Variants in SOD3 observed in about 807,000 individuals in gnomAD.
SOD3 encodes the protein extracellular superoxide dismutase [Cu-Zn].
SOD3 carries 3 observed loss-of-function variants against 2.6 expected under a neutral mutation model. The ratio of observed to expected loss-of-function variants is 1.13; its 90% CI spans 0.52 to 2.93. The LOEUF (loss-of-function observed/expected upper bound fraction) is 2.93, where lower values mean the gene tolerates loss of function less well. Among genes scored for constraint, SOD3 ranks in the 30% most tolerant of loss-of-function variants. SOD3 has a pLI of 0.04. For synonymous variants in SOD3, 188 were observed against 177.5 expected, an observed-to-expected ratio of 1.06 and a Z score of -0.47; for missense variants, 379 against 370.4, an observed-to-expected ratio of 1.02 and a Z score of -0.19.
Position 24,799,702 on chromosome 4 carries a change from G to T in SOD3, c.181G>T (p.Ala61Ser). Residue 61 changes from alanine (A) to serine (S), a missense_variant, in exon 2 of 2, where the codon GCC becomes TCC. Physicochemically the swap from Ala to Ser is moderately conservative, Grantham distance 99. Coordinates refer to ENST00000382120, the MANE Select transcript of SOD3 (RefSeq NM_003102.4). ...GCGGGACGACGACGGCGCGCTCCACGCCGCCTGCCAGGTGCAGCCGTCGGC... is the reference window on the plus strand; with the variant it reads ...GCGGGACGACGACGGCGCGCTCCACTCCGCCTGCCAGGTGCAGCCGTCGGC... The part of the protein sequence containing the change: ...QRRDDDGALH[A>S]ACQVQPSATL... 1 of 1,572,430 alleles carries T rather than the reference G, an allele frequency of 6.4e-7. No homozygotes were observed.
chr4:24,799,407 G>T, intron 1 of SOD3, 99 bp from the exon 2 acceptor site: 1 of 1,396,366 alleles, frequency 7.2e-7, no homozygotes, highest in Non-Finnish European at 9.6e-7. Context: ...GCCCACTGGG[G>T]ACTGGGGGGT....
Position 24,799,875 on chromosome 4 carries a change from CG to C in SOD3, c.358del (p.Asp120ThrfsTer2). The C allele has an allele frequency of 1.9e-6, 3 of 1,602,778 alleles. No individual in the cohort carries two copies. Among genetic ancestry groups the C allele is most frequent in the Admixed American group, 1.7e-5 (1 of 59,934 alleles). On this transcript the variant is annotated frameshift_variant, in exon 2 of 2. Transcript: ENST00000382120. LOFTEE classifies it high-confidence loss of function. The stretch of plus-strand genomic sequence containing the variant: ...GCCGCGCCATCCACGTGCACCAGTT[CG>C]GGGACCTGAGCCAGGGCTGCGAGTC... ...SSRAIHVHQF[G>X]DLSQGCESTG...
At chr4:24,799,263 A>T (rs1713759478) in intron 1 of SOD3, among the ~76,000 whole-genome samples, 1 of 152,054 alleles carries the variant, frequency 6.6e-6, no homozygotes, top group Admixed American at 6.5e-5. Flanking sequence ...ATCATTTGTG[A>T]CTCAGATCCC....
chr4:24,799,703 C>A lies in SOD3; in HGVS notation c.182C>A (p.Ala61Asp). The A allele has an allele frequency of 6.4e-7, 1 of 1,572,850 alleles. No homozygotes were observed. Among genetic ancestry groups the A allele is most frequent in the Non-Finnish European group, 8.6e-7 (1 of 1,164,470 alleles). ...CGGGACGACGACGGCGCGCTCCACG[C>A]CGCCTGCCAGGTGCAGCCGTCGGCC... is the stretch of plus-strand genomic sequence containing the variant. ...QRRDDDGALH[A>D]ACQVQPSATL... Residue 61 changes from alanine to aspartate, a missense_variant, in exon 2 of 2, where the codon GCC becomes GAC. Transcript: ENST00000382120.
At chr4:24,798,270 G>C (rs542505098) in intron 1 of SOD3, among the ~76,000 whole-genome samples, 1 of 152,014 alleles carries the variant, frequency 6.6e-6, no homozygotes, top group South Asian at 2.1e-4. Flanking sequence ...TTCCCACCTG[G>C]GCACCCGCCA....
intron 1 of SOD3, 66 bp from the exon 2 acceptor site, chr4:24,799,440 C>T (rs1560189720): frequency 1.3e-6 from 2 of 1,540,896 alleles, no homozygotes; most frequent in Non-Finnish European, 1.7e-6. Context: ...AATGGGGTCC[C>T]TGAGATTCTA....
chr4:24,797,200 A>G (rs997830655), intron 1 of SOD3, among the ~76,000 whole-genome samples: 26 of 152,176 alleles, frequency 1.7e-4, no homozygotes, highest in Non-Finnish European at 3.8e-4. Flanking sequence ...AAGAGCTGCC[A>G]TTTACTGGGA....
At position 24,796,922 on chromosome 4, in the gene SOD3, G is replaced by A. The variant is rs550044786; in HGVS notation, c.-17+1271G>A. ...CTGAGTGGCAGGGCTGTCTTAGGAG[G>A]AAGGTGTCTTTGATGATGGGGAACT... On this transcript the variant is annotated intron_variant, in intron 1 of 1. Coordinates refer to ENST00000382120, the MANE Select transcript of SOD3 (RefSeq NM_003102.4). Among the ~76,000 whole-genome samples the A allele has an allele frequency of 2.0e-5, 3 of 152,262 alleles. No homozygotes were observed. In the East Asian group the frequency reaches 5.8e-4, roughly 29 times the overall value.
chr4:24,797,793 T>C (rs550264385), intron 1 of SOD3, among the ~76,000 whole-genome samples: 45 of 152,248 alleles, frequency 3.0e-4, no homozygotes, highest in Non-Finnish European at 5.4e-4. Flanking sequence ...GTTTTTTAAA[T>C]GGCACCTAGT....
In SOD3 at chr4:24,800,236, G is replaced by T; in HGVS notation, c.715G>T (p.Ala239Ser). 7.1e-7 allele frequency: 1 copy of T among 1,402,792 alleles called. No homozygotes were observed. The highest frequency in any genetic ancestry group is 9.2e-7 in the Non-Finnish European group (1 of 1,083,940). 86.9% of individuals were successfully genotyped at this position (1,402,792 alleles called of 1,614,324 possible). ...GCGGCGGCGCGAGAGCGAGTGCAAG[G>T]CCGCCTGAGCGCGGCCCCCACCCGG... ...KKRRRESECKAA is the reference protein window; with the variant it reads ...KKRRRESECKSA The change falls in exon 2 of 2, where the codon GCC becomes TCC. Residue 239 changes from alanine (A) to serine (S), a missense_variant. By Grantham distance (99) the Ala-to-Ser change is moderately conservative (BLOSUM62 1). Coordinates refer to ENST00000382120, the MANE Select transcript of SOD3 (RefSeq NM_003102.4).
chr4:24,796,960 C>T (rs1254483584), intron 1 of SOD3, among the ~76,000 whole-genome samples: 1 of 152,104 alleles, frequency 6.6e-6, no homozygotes, highest in East Asian at 1.9e-4. Flanking sequence ...ATGTCCAGGT[C>T]TGGCAGGAGA....
chr4:24,799,525 C>A lies in SOD3; in HGVS notation c.4C>A (p.Leu2Met), dbSNP rs566940006. The change falls in exon 2 of 2, where the codon CTG becomes ATG. Residue 2 changes from leucine to methionine, a missense_variant. By Grantham distance (15) the Leu-to-Met change is conservative. Transcript: ENST00000382120. ...CCGCAGGTGCCCGACTCCAGCCATG[C>A]TGGCGCTACTGTGTTCCTGCCTGCT... Reference protein sequence around the residue: MLALLCSCLLLA... With the variant: MMALLCSCLLLA... The A allele has an allele frequency of 6.3e-7, 1 of 1,598,904 alleles. No individual in the cohort carries two copies. The highest frequency in any genetic ancestry group is 1.1e-5 in the South Asian group (1 of 90,570).
chr4:24,799,461 G>T, intron 1 of SOD3, 45 bp from the exon 2 acceptor site: 2 of 1,579,052 alleles, frequency 1.3e-6, no homozygotes, highest in South Asian at 2.3e-5. Context: ...TGTTTCACGT[G>T]ACTAAGCCTC....
chr4:24,796,433 CTCTTTTT>C (rs1713661713), intron 1 of SOD3, among the ~76,000 whole-genome samples: 1 of 78,454 alleles, frequency 1.3e-5, no homozygotes, highest in Non-Finnish European at 2.6e-5. Context: ...CCTCCTTCTT[CTCTTTTT>C]TTTTTTTTTT....
Position 24,800,024 on chromosome 4 carries a change from C to A in SOD3, c.503C>A (p.Ala168Glu), listed in dbSNP as rs1216181406. 1 of 1,529,174 alleles carries A rather than the reference C, an allele frequency of 6.5e-7. No individual in the cohort carries two copies. Among genetic ancestry groups the A allele is most frequent in the Non-Finnish European group, 8.7e-7 (1 of 1,147,660 alleles). The allele number at this position is 1,529,174 out of a possible 1,614,324, so 94.7% of individuals were successfully genotyped here. The change falls in exon 2 of 2, where the codon GCG (alanine) becomes GAG (glutamate). Residue 168 changes from alanine (A) to glutamate (E), a missense_variant. Physicochemically the swap from Ala to Glu is moderately radical, Grantham distance 107 (BLOSUM62 -1). Transcript: ENST00000382120. ...CGCGCCGGCCTGGCCGCCTCGCTCG[C>A]GGGCCCGCACTCCATCGTGGGCCGG... ...RYRAGLAASL[A>E]GPHSIVGRAV...
rs1009924035 is a variant in SOD3, at chr4:24,800,128, C to T, written c.607C>T (p.Arg203Trp). Residue 203 changes from arginine to tryptophan, a missense_variant, in exon 2 of 2, where the codon CGG becomes TGG. Physicochemically the swap from Arg to Trp is moderately radical, Grantham distance 101 (BLOSUM62 -3). Coordinates refer to ENST00000382120, the MANE Select transcript of SOD3 (RefSeq NM_003102.4). ...CAGCGTGGAGAACGGGAACGCGGGC[C>T]GGCGGCTGGCCTGCTGCGTGGTGGG... is the stretch of plus-strand genomic sequence containing the variant. Reference protein sequence around the residue: ...QASVENGNAGRRLACCVVGVC... With the variant: ...QASVENGNAGWRLACCVVGVC... The T allele has an allele frequency of 7.3e-7, 1 of 1,376,398 alleles. No individual in the cohort carries two copies. Among genetic ancestry groups the T allele is most frequent in the Non-Finnish European group, 9.3e-7 (1 of 1,075,458 alleles). The allele number at this position is 1,376,398 out of a possible 1,614,324, so 85.3% of individuals were successfully genotyped here.
At chr4:24,797,355 C>T (rs564066075) in intron 1 of SOD3, among the ~76,000 whole-genome samples, 6 of 152,354 alleles carry the variant, frequency 3.9e-5, no homozygotes, top group East Asian at 1.9e-4. Flanking sequence ...GCGGGACACA[C>T]GCCTCTCTGT....
intron 1 of SOD3, among the ~76,000 whole-genome samples, chr4:24,797,090 C>T (rs1713687422): frequency 6.6e-6 from 1 of 152,186 alleles, no homozygotes; most frequent in Non-Finnish European, 1.5e-5. Context: ...TCTGGATCCT[C>T]CTTCTTGGAG....
intron 1 of SOD3, among the ~76,000 whole-genome samples, chr4:24,795,882 C>G (rs1713642454): frequency 6.6e-6 from 1 of 151,940 alleles, no homozygotes; most frequent in Non-Finnish European, 1.5e-5. Context: ...AAAGACCAGT[C>G]CAAGAGGATT....
Sources: gnomAD v4.1 joint callset for allele counts (sites outside exome capture counted in the v4.1 genomes callset) on GRCh38, gnomAD v4.1.1 for gene constraint, MANE v1.5 for transcripts, NCBI Gene and HGNC (gene_info 2026-07-23, HGNC 2026-07-21) for gene names.